The following CCDC83 variants were observed in gnomAD, a reference collection of about 807,000 sequenced individuals.
The protein encoded by CCDC83 is coiled-coil domain containing 83.
CCDC83 carries 54 observed loss-of-function variants against 50.1 expected under a neutral mutation model. The ratio of observed to expected loss-of-function variants is 1.08; its 90% confidence interval spans 0.87 to 1.35. CCDC83 has a LOEUF of 1.35. Ranked by LOEUF, CCDC83 falls within the 40% of genes most tolerant of loss-of-function variation. The pLI, the probability that CCDC83 is intolerant of heterozygous loss-of-function variation, is 0.00. For missense variants in CCDC83, 518 were observed against 473.9 expected, an observed-to-expected ratio of 1.09 and a Z score of -0.86; for synonymous variants, 161 against 153.3, an observed-to-expected ratio of 1.05 and a Z score of -0.37.
intron 3 of CCDC83, among the ~76,000 whole-genome samples, chr11:85,880,352 T>C (rs905637491): frequency 6.6e-6 from 1 of 152,188 alleles, no homozygotes; most frequent in South Asian, 2.1e-4. Flanking sequence ...AGTGGCACAA[T>C]TACGGCTCAC....
chr11:85,878,648 C>T (rs2093281762), intron 3 of CCDC83, among the ~76,000 whole-genome samples: 1 of 152,154 alleles, frequency 6.6e-6, no homozygotes. Flanking sequence ...CATTCATGGA[C>T]AGGTATTTTT....
intron 6 of CCDC83, among the ~76,000 whole-genome samples, chr11:85,897,743 A>G (rs559374961): frequency 2.8e-4 from 43 of 152,252 alleles, no homozygotes; most frequent in Non-Finnish European, 5.4e-4. Context: ...GGAGGAAACT[A>G]GAATTATTAG....
chr11:85,871,900 T>C (rs1238642288), intron 2 of CCDC83, among the ~76,000 whole-genome samples: 2 of 152,242 alleles, frequency 1.3e-5, no homozygotes, highest in Non-Finnish European at 1.5e-5. Flanking sequence ...TTTAAAGTTA[T>C]AAGATTTATT....
In CCDC83 at chr11:85,887,216, G is replaced by C. The variant is rs76506794; in HGVS notation, c.511+849G>C. The stretch of plus-strand genomic sequence containing the variant: ...GCTTACCAGGACTAGATCTGGACAC[G>C]ATGAGGGCCAGCTGTCTGTTACTGA... On this transcript the variant is annotated intron_variant, in intron 5 of 10. Transcript: ENST00000342404. 4.9e-4 allele frequency among the ~76,000 whole-genome samples: 75 copies of C among 152,320 alleles called. No individual in the cohort carries two copies. The East Asian group carries it at 0.014, about 28-fold the overall frequency.
chr11:85,894,924 T>C (rs971666031), intron 5 of CCDC83, among the ~76,000 whole-genome samples: 2 of 152,224 alleles, frequency 1.3e-5, no homozygotes, highest in Admixed American at 6.5e-5. Flanking sequence ...CTCTCAATAA[T>C]GACATTTGTG....
intron 5 of CCDC83, among the ~76,000 whole-genome samples, chr11:85,894,107 A>C (rs1249458313): frequency 6.6e-6 from 1 of 152,194 alleles, no homozygotes; most frequent in Non-Finnish European, 1.5e-5. Flanking sequence ...GAATCATCCC[A>C]AAACCATCCC....
In CCDC83 at chr11:85,901,201, A is replaced by AAT. The variant is rs201536202; in HGVS notation, c.672+2199_672+2200dup. 8.4e-4 allele frequency among the ~76,000 whole-genome samples: 128 copies of AAT among 151,800 alleles called. No homozygotes were observed. In the South Asian group the frequency reaches 0.022, roughly 27 times the overall value. ...AGGCAACATGGTGAAACTCCATCTC[A>AAT]ATATATATATATATTTTAAATTTGA... On this transcript the variant is annotated intron_variant, in intron 7 of 10. Coordinates refer to ENST00000342404, the MANE Select transcript of CCDC83 (RefSeq NM_001286159.2).
chr11:85,865,068 C>A, intron 1 of CCDC83, 28 bp from the exon 2 acceptor site: 1 of 1,140,970 alleles, frequency 8.8e-7, no homozygotes, highest in Non-Finnish European at 1.3e-6. Context: ...TGGAATTTTT[C>A]ACTTTCGTAT....
At position 85,873,277 on chromosome 11, in the gene CCDC83, C is replaced by T; in HGVS notation, c.162C>T (p.Asn54=). The change falls in exon 3 of 11, where the codon AAC becomes AAT. Residue 54 remains asparagine (N), a synonymous_variant. Transcript: ENST00000342404. ...MFQIKTLRKK[N]QKYHERNSRL... The stretch of plus-strand genomic sequence containing the variant: ...AAATAAAGACACTTAGGAAAAAGAA[C>T]CAAAAATATCATGAAAGAGTGAGTA... The T allele has an allele frequency of 6.7e-7, 1 of 1,490,828 alleles. No individual in the cohort carries two copies. The highest frequency in any genetic ancestry group is 2.4e-5 in the East Asian group (1 of 41,818). 92.3% of individuals were successfully genotyped at this position (1,490,828 alleles called of 1,614,324 possible).
intron 5 of CCDC83, among the ~76,000 whole-genome samples, chr11:85,893,215 G>A (rs950530385): frequency 3.3e-5 from 5 of 152,304 alleles, no homozygotes; most frequent in South Asian, 2.1e-4. Flanking sequence ...TTTTTGGCAC[G>A]TATTGTGTCC....
intron 8 of CCDC83, among the ~76,000 whole-genome samples, chr11:85,914,221 C>T (rs2093467148): frequency 6.6e-6 from 1 of 152,204 alleles, no homozygotes; most frequent in Non-Finnish European, 1.5e-5. Context: ...CTTTAAATAA[C>T]TCACAGCCCC....
intron 2 of CCDC83, among the ~76,000 whole-genome samples, chr11:85,866,688 AC>A (rs2093209237): frequency 6.6e-6 from 1 of 152,038 alleles, no homozygotes; most frequent in African/African-American, 2.4e-5. Context: ...ACAGAAAAAA[AC>A]ATGGCTATAA....
At chr11:85,910,614 T>G (rs1292825643) in intron 7 of CCDC83, among the ~76,000 whole-genome samples, 1 of 152,236 alleles carries the variant, frequency 6.6e-6, no homozygotes, top group Non-Finnish European at 1.5e-5. Flanking sequence ...ATTGCTAAAT[T>G]CATCAGCCAT....
chr11:85,919,600 G>T lies in CCDC83; in HGVS notation c.*90G>T. On this transcript the variant is annotated 3_prime_UTR_variant, in exon 11 of 11. Coordinates refer to ENST00000342404, the MANE Select transcript of CCDC83 (RefSeq NM_001286159.2). ...CCGTTGCCCATTTTACTTACACTTT[G>T]GCTCATTTTTAAACCAGCTGTTATT... 1.1e-6 allele frequency: 1 copy of T among 920,858 alleles called. No individual in the cohort carries two copies. The highest frequency in any genetic ancestry group is 2.7e-5 in the East Asian group (1 of 37,442). 57.0% of individuals were successfully genotyped at this position (920,858 alleles called of 1,614,324 possible).
chr11:85,858,029 G>T (rs1349091282), intron 1 of CCDC83, among the ~76,000 whole-genome samples: 1 of 152,208 alleles, frequency 6.6e-6, no homozygotes, highest in East Asian at 1.9e-4. Flanking sequence ...AGAATACTGT[G>T]GAGAGAGTCA....
intron 5 of CCDC83, among the ~76,000 whole-genome samples, chr11:85,893,481 T>C (rs868647429): frequency 6.6e-6 from 1 of 152,260 alleles, no homozygotes; most frequent in African/African-American, 2.4e-5. Flanking sequence ...ACTTGGTCTG[T>C]GAAGAAAATT....
intron 7 of CCDC83, among the ~76,000 whole-genome samples, chr11:85,905,102 G>T (rs1172398415): frequency 6.6e-6 from 1 of 151,798 alleles, no homozygotes; most frequent in Admixed American, 6.6e-5. Context: ...TTCGAGACCA[G>T]CCTGGCCAAC....
intron 5 of CCDC83, among the ~76,000 whole-genome samples, chr11:85,887,377 C>T (rs1471006274): frequency 6.6e-6 from 1 of 152,162 alleles, no homozygotes; most frequent in Non-Finnish European, 1.5e-5. Context: ...GAGATAGTGC[C>T]CTGCGTTGTG....
intron 7 of CCDC83, among the ~76,000 whole-genome samples, chr11:85,904,561 T>C (rs1398295238): frequency 6.6e-6 from 1 of 152,242 alleles, no homozygotes; most frequent in Non-Finnish European, 1.5e-5. Context: ...CATGCAGTTC[T>C]TGTTAATGAG....
Sources: allele counts gnomAD v4.1 joint callset (sites outside exome capture counted in the v4.1 genomes callset), GRCh38; gene constraint gnomAD v4.1.1; transcripts MANE v1.5; gene names NCBI Gene and HGNC (gene_info 2026-07-23, HGNC 2026-07-21).